The following BAAT variants were observed in gnomAD, a reference collection of about 807,000 sequenced individuals.
BAAT encodes the protein bile acid CoA: amino acid N-acyltransferase (glycine N-choloyltransferase).
BAAT carries 13 observed loss-of-function variants against 18.9 expected under a neutral mutation model. That is an observed-to-expected ratio of 0.69 (90% CI 0.45 to 1.10). The LOEUF is 1.10. Among genes scored for constraint, BAAT ranks in the 50% least tolerant of loss-of-function variants. The pLI, the probability that BAAT is intolerant of heterozygous loss-of-function variation, is 0.00. For synonymous variants in BAAT, 170 were observed against 190.7 expected, an observed-to-expected ratio of 0.89 and a Z score of 0.89; for missense variants, 489 against 504.0, an observed-to-expected ratio of 0.97 and a Z score of 0.28.
intron 3 of BAAT, among the ~76,000 whole-genome samples, chr9:101,365,802 G>A (rs546392174): frequency 1.4e-4 from 21 of 152,098 alleles, no homozygotes; most frequent in African/African-American, 4.3e-4. Context: ...CCAAAGTGCT[G>A]GGATTACAGG....
At chr9:101,376,172 G>T in intron 1 of BAAT, 2 of 169,510 alleles carry the variant, frequency 1.2e-5, no homozygotes, top group Middle Eastern at 7.2e-4. Flanking sequence ...AACTGCAACT[G>T]GTTTTTTTCT....
chr9:101,374,750 A>C (rs866039083), intron 1 of BAAT, among the ~76,000 whole-genome samples: 1 of 152,190 alleles, frequency 6.6e-6, no homozygotes, highest in African/African-American at 2.4e-5. Context: ...TCAAATAGAT[A>C]ATTGTTCTGT....
intron 1 of BAAT, 33 bp from the exon 2 acceptor site, chr9:101,371,496 A>G: frequency 7.8e-7 from 1 of 1,274,666 alleles, no homozygotes; most frequent in South Asian, 1.3e-5. Context: ...GCAGTAAAAT[A>G]AAGTAGAGAT....
At chr9:101,366,530 G>C (rs1829831320) in intron 3 of BAAT, among the ~76,000 whole-genome samples, 1 of 152,094 alleles carries the variant, frequency 6.6e-6, no homozygotes, top group Non-Finnish European at 1.5e-5. Context: ...TCATTAACTA[G>C]CTATCTATGT....
rs1403824162 is a variant in BAAT, at chr9:101,372,575, C to CAT, written c.-59-1113_-59-1112insAT. Reference sequence around the variant, plus strand: ...AGAGTTACCACTGTTCTCTCTCTAACAAACACAACTATCTGCATAAACTAC... The same window carrying CAT: ...AGAGTTACCACTGTTCTCTCTCTAACATAAACACAACTATCTGCATAAACTAC... On this transcript the variant is annotated intron_variant, in intron 1 of 3. Coordinates refer to ENST00000259407, the MANE Select transcript of BAAT (RefSeq NM_001701.4). 2.0e-5 allele frequency among the ~76,000 whole-genome samples: 3 copies of CAT among 149,516 alleles called. No individual in the cohort carries two copies. In the East Asian group the frequency reaches 5.9e-4, roughly 29 times the overall value.
chr9:101,364,952 G>C (rs1278401532), intron 3 of BAAT, among the ~76,000 whole-genome samples: 1 of 152,168 alleles, frequency 6.6e-6, no homozygotes, highest in Non-Finnish European at 1.5e-5. Flanking sequence ...TGCATAAATG[G>C]AGGCAGAAAA....
intron 3 of BAAT, among the ~76,000 whole-genome samples, chr9:101,364,276 C>A (rs1382716198): frequency 3.3e-5 from 5 of 152,170 alleles, no homozygotes; most frequent in Admixed American, 6.5e-5. Context: ...GACACAGAAT[C>A]ATGAAGAGAA....
chr9:101,381,359 A>T (rs925361075), intron 1 of BAAT, among the ~76,000 whole-genome samples: 3 of 150,546 alleles, frequency 2.0e-5, no homozygotes, highest in Non-Finnish European at 1.5e-5. Flanking sequence ...CCATCTCTAC[A>T]AAAAAAAAGT....
At chr9:101,370,627 C>T (rs73657934) in intron 2 of BAAT, among the ~76,000 whole-genome samples, 4,434 of 152,142 alleles carry the variant, frequency 0.029, 220 homozygotes, top group African/African-American at 0.1. Flanking sequence ...AATGTAGGGA[C>T]TACATAAACT....
At chr9:101,378,462 AAAAC>A (rs1564058733) in intron 1 of BAAT, among the ~76,000 whole-genome samples, 1 of 152,220 alleles carries the variant, frequency 6.6e-6, no homozygotes, top group African/African-American at 2.4e-5. Flanking sequence ...AAACCTGACA[AAAAC>A]AAGCAACAGA....
At chr9:101,382,003 T>A (rs1219203002) in intron 1 of BAAT, among the ~76,000 whole-genome samples, 1 of 152,214 alleles carries the variant, frequency 6.6e-6, no homozygotes, top group African/African-American at 2.4e-5. Flanking sequence ...CATGTCATAG[T>A]CACTGACAGA....
At position 101,371,422 on chromosome 9, in the gene BAAT, T is replaced by TG; in HGVS notation, c.-19dup. The TG allele has an allele frequency of 6.3e-7, 1 of 1,597,922 alleles. No homozygotes were observed. The highest frequency in any genetic ancestry group is 8.5e-7 in the Non-Finnish European group (1 of 1,174,422). ...TGGATCATTTTTTTAGTGTGGCACC[T>TG]GGGATGATTCTTCAGGAATATCTTC... On this transcript the variant is annotated 5_prime_UTR_variant, in exon 2 of 4. Coordinates refer to ENST00000259407, the MANE Select transcript of BAAT (RefSeq NM_001701.4).
intron 3 of BAAT, 149 bp from the exon 4 acceptor site, chr9:101,363,164 A>G: frequency 1.3e-6 from 1 of 743,682 alleles, no homozygotes; most frequent in South Asian, 1.8e-5. Flanking sequence ...TCTGGAATAT[A>G]TAATATGTAT....
chr9:101,362,702 T>A lies in BAAT; in HGVS notation c.983A>T (p.Asp328Val). The A allele has an allele frequency of 2.5e-6, 4 of 1,614,210 alleles. No individual in the cohort carries two copies. The highest frequency in any genetic ancestry group is 3.4e-6 in the Non-Finnish European group (4 of 1,180,034). ...GTGTGCTTTGCTGTTGATAGTCTTATCACCTTCTCCTACAATGAAGAGGAA... is the reference window on the plus strand; with the variant it reads ...GTGTGCTTTGCTGTTGATAGTCTTAACACCTTCTCCTACAATGAAGAGGAA... The part of the protein sequence containing the change: ...GQFLFIVGEG[D>V]KTINSKAHAE... Residue 328 changes from aspartate to valine, a missense_variant, in exon 4 of 4, where the codon GAT becomes GTT. Asp to Val is a radical substitution (Grantham distance 152). Coordinates refer to ENST00000259407, the MANE Select transcript of BAAT (RefSeq NM_001701.4).
At position 101,382,537 on chromosome 9, in the gene BAAT, C is replaced by G. The variant is rs201690441; in HGVS notation, c.-60+2318G>C. On this transcript the variant is annotated intron_variant, in intron 1 of 3. Transcript: ENST00000259407. ...CCTAGGTTCAAGGATGAACGAGGCACTTGACCTCCAAGATGCCTGCTTGGG... is the reference window on the plus strand; with the variant it reads ...CCTAGGTTCAAGGATGAACGAGGCAGTTGACCTCCAAGATGCCTGCTTGGG... 2.0e-4 allele frequency among the ~76,000 whole-genome samples: 31 copies of G among 152,322 alleles called. No homozygotes were observed. In the East Asian group the frequency reaches 6.0e-3, roughly 29 times the overall value.
intron 3 of BAAT, among the ~76,000 whole-genome samples, chr9:101,364,106 C>A (rs564654940): frequency 6.6e-6 from 1 of 152,196 alleles, no homozygotes; most frequent in African/African-American, 2.4e-5. Context: ...CCATTCTCCA[C>A]AATTTCAAAG....
In BAAT at chr9:101,371,024, A is replaced by C; in HGVS notation, c.381T>G (p.Thr127=). Residue 127 remains threonine (T), a synonymous_variant, in exon 2 of 4, where the codon ACT becomes ACG. Transcript: ENST00000259407. ...KVASAPKASL[T]LERWYVAPGV... ...CAGGTGCCACATACCACCTCTCCAA[A>C]GTCAGGCTGGCCTTTGGAGCACTGG... 6.2e-7 allele frequency: 1 copy of C among 1,614,098 alleles called. No homozygotes were observed. The highest frequency in any genetic ancestry group is 8.5e-7 in the Non-Finnish European group (1 of 1,180,014).
chr9:101,371,158 T>C lies in BAAT; in HGVS notation c.247A>G (p.Lys83Glu). The change falls in exon 2 of 4, where the codon AAA becomes GAA. Residue 83 changes from lysine (K) to glutamate (E), a missense_variant. By Grantham distance (56) the Lys-to-Glu change is moderately conservative. Coordinates refer to ENST00000259407, the MANE Select transcript of BAAT (RefSeq NM_001701.4). ...VHPMGLFWSL[K>E]PEKLLTRLLK... Reference sequence around the variant, plus strand: ...AGTCTTGTTAATAGCTTTTCAGGTTTCAGAGACCAGAAGAGACCCATGGGG... The same window carrying C: ...AGTCTTGTTAATAGCTTTTCAGGTTCCAGAGACCAGAAGAGACCCATGGGG... 6.2e-7 allele frequency: 1 copy of C among 1,614,150 alleles called. No homozygotes were observed. The highest frequency in any genetic ancestry group is 8.5e-7 in the Non-Finnish European group (1 of 1,180,014).
chr9:101,364,071 A>G (rs1252456435), intron 3 of BAAT, among the ~76,000 whole-genome samples: 1 of 152,082 alleles, frequency 6.6e-6, no homozygotes, highest in Non-Finnish European at 1.5e-5. Context: ...AGTATAGCAG[A>G]CTCTGTTAGT....
Sources: gnomAD v4.1 joint callset for allele counts (sites outside exome capture counted in the v4.1 genomes callset) on GRCh38, gnomAD v4.1.1 for gene constraint, MANE v1.5 for transcripts, NCBI Gene and HGNC (gene_info 2026-07-23, HGNC 2026-07-21) for gene names.